PCDH15: variants seen among roughly 807,000 people sequenced by gnomAD.
The protein encoded by PCDH15 is protocadherin-15.
In PCDH15, 129 loss-of-function variants were observed where a neutral mutation model predicts 178.5. The ratio of observed to expected loss-of-function variants is 0.72; its 90% CI spans 0.63 to 0.84. PCDH15 has a LOEUF of 0.84. PCDH15 is among the 40% of genes least tolerant of loss of function. The pLI, the probability that PCDH15 is intolerant of heterozygous loss-of-function variation, is 0.00. For synonymous variants in PCDH15, 800 were observed against 732.0 expected, an observed-to-expected ratio of 1.09 and a Z score of -1.50; for missense variants, 2,230 against 2,099.9, an observed-to-expected ratio of 1.06 and a Z score of -1.21.
chr10:54,645,420 C>A (rs2094109438), intron 2 of PCDH15, among the ~76,000 whole-genome samples: 1 of 151,614 alleles, frequency 6.6e-6, no homozygotes, highest in Non-Finnish European at 1.5e-5. Flanking sequence ...AACACCCACA[C>A]ACGAATGAAA....
chr10:54,771,275 A>C (rs1414003263), intron 1 of PCDH15, among the ~76,000 whole-genome samples: 2 of 152,164 alleles, frequency 1.3e-5, no homozygotes, highest in African/African-American at 4.8e-5. Context: ...GAGGAAAATA[A>C]ACTATTTTAG....
At chr10:53,827,260 T>TTTCTC (rs2076740125) in intron 32 of PCDH15, 133 bp downstream of exon 32, 1 of 1,283,416 alleles carries the variant, frequency 7.8e-7, no homozygotes, top group Admixed American at 2.8e-5. Context: ...CTTAACAAAT[T>TTTCTC]TTCTCTTGAA....
chr10:54,468,570 G>T (rs1276081350), intron 3 of PCDH15, among the ~76,000 whole-genome samples: 2 of 152,016 alleles, frequency 1.3e-5, no homozygotes, highest in Admixed American at 6.6e-5. Flanking sequence ...CTACAATATG[G>T]TCTATTCTTG....
At chr10:54,582,664 A>G (rs958220870) in intron 2 of PCDH15, among the ~76,000 whole-genome samples, 2 of 152,106 alleles carry the variant, frequency 1.3e-5, no homozygotes, top group African/African-American at 4.8e-5. Context: ...CGTAATCACA[A>G]CACTTTGGGA....
chr10:54,321,274 G>T (rs2384447), intron 7 of PCDH15, among the ~76,000 whole-genome samples: 1 of 149,670 alleles, frequency 6.7e-6, no homozygotes, highest in African/African-American at 2.4e-5. Flanking sequence ...AGTAATCCTC[G>T]CACCTCAGCC....
At chr10:54,215,057 TAA>T (rs1315032599) in intron 9 of PCDH15, among the ~76,000 whole-genome samples, 3 of 152,160 alleles carry the variant, frequency 2.0e-5, no homozygotes, top group East Asian at 1.9e-4. Context: ...TTAATAACCA[TAA>T]GAGAAAAATA....
At chr10:53,969,528 A>G (rs2089439151) in intron 21 of PCDH15, among the ~76,000 whole-genome samples, 1 of 152,206 alleles carries the variant, frequency 6.6e-6, no homozygotes, top group Admixed American at 6.5e-5. Flanking sequence ...ATACTCCTCA[A>G]GAAGAGCAAC....
At chr10:55,197,292 C>T (rs1320475105) in intron 1 of PCDH15, among the ~76,000 whole-genome samples, 1 of 151,894 alleles carries the variant, frequency 6.6e-6, no homozygotes, top group Non-Finnish European at 1.5e-5. Flanking sequence ...TTGCAATAAC[C>T]CTGATATTTT....
intron 2 of PCDH15, among the ~76,000 whole-genome samples, chr10:55,073,864 C>G (rs113098824): frequency 9.2e-5 from 14 of 151,930 alleles, no homozygotes; most frequent in African/African-American, 2.4e-4. Flanking sequence ...CTTGCTCCCC[C>G]CCATCTCCCC....
intron 2 of PCDH15, among the ~76,000 whole-genome samples, chr10:54,635,645 G>A (rs193257146): frequency 9.8e-4 from 148 of 151,732 alleles, no homozygotes; most frequent in South Asian, 2.3e-3. Context: ...ATGTGTTATG[G>A]TAACAAATAT....
At chr10:53,900,761 G>C (rs981495723) in intron 26 of PCDH15, among the ~76,000 whole-genome samples, 1 of 152,112 alleles carries the variant, frequency 6.6e-6, no homozygotes, top group African/African-American at 2.4e-5. Flanking sequence ...GGAGTACAGG[G>C]CAAGCATCCT....
chr10:55,178,967 A>G (rs918649779), intron 1 of PCDH15, among the ~76,000 whole-genome samples: 2 of 152,190 alleles, frequency 1.3e-5, no homozygotes, highest in Non-Finnish European at 2.9e-5. Flanking sequence ...CATTGTTTTC[A>G]GAATGATTAG....
At chr10:54,643,029 T>A (rs2094028656) in intron 2 of PCDH15, among the ~76,000 whole-genome samples, 1 of 152,174 alleles carries the variant, frequency 6.6e-6, no homozygotes, top group Non-Finnish European at 1.5e-5. Context: ...CTCAAGCGAT[T>A]CTCCTGCCTC....
intron 5 of PCDH15, among the ~76,000 whole-genome samples, chr10:54,357,099 A>C (rs1207444489): frequency 6.6e-6 from 1 of 152,182 alleles, no homozygotes; most frequent in Non-Finnish European, 1.5e-5. Context: ...GAAAATGGGC[A>C]CAAGACAGGG....
chr10:55,512,497 T>G (rs974032738), intron 2 of PCDH15, among the ~76,000 whole-genome samples: 3 of 152,004 alleles, frequency 2.0e-5, no homozygotes, highest in Admixed American at 6.6e-5. Context: ...GTGATTTTTA[T>G]GGACCATCTC....
chr10:54,389,118 C>T (rs1356852707), intron 3 of PCDH15, among the ~76,000 whole-genome samples: 11 of 149,740 alleles, frequency 7.3e-5, no homozygotes, highest in East Asian at 2.0e-4. Flanking sequence ...TTACAGCGTC[C>T]CTCACTGACA....
chr10:54,595,626 T>A (rs1345385602), intron 2 of PCDH15, among the ~76,000 whole-genome samples: 2 of 152,088 alleles, frequency 1.3e-5, no homozygotes, highest in Non-Finnish European at 2.9e-5. Flanking sequence ...GAAATAGCAT[T>A]CAGATTATGG....
At chr10:53,825,120 G>GATATT in intron 32 of PCDH15, 1 of 1,537,428 alleles carries the variant, frequency 6.5e-7, no homozygotes, top group Non-Finnish European at 8.8e-7. Flanking sequence ...CTATTAGAGT[G>GATATT]ATATTATTTA....
chr10:55,626,052 A>C (rs1837519710), intron 2 of PCDH15, among the ~76,000 whole-genome samples: 2 of 152,068 alleles, frequency 1.3e-5, no homozygotes, highest in Admixed American at 1.3e-4. Context: ...GAGCTGCCCT[A>C]AGAGAAAGAA....
Sources: gnomAD v4.1 joint callset for allele counts (sites outside exome capture counted in the v4.1 genomes callset) on GRCh38, gnomAD v4.1.1 for gene constraint, MANE v1.5 for transcripts, NCBI Gene and HGNC (gene_info 2026-07-23, HGNC 2026-07-21) for gene names.